Variants in DNAH14 observed in about 807,000 individuals in gnomAD.
DNAH14 encodes the protein axonemal beta dynein heavy chain 14.
In DNAH14, 478 loss-of-function variants were observed where a neutral mutation model predicts 520.9. The ratio of observed to expected loss-of-function variants is 0.92; its 90% CI spans 0.85 to 0.99. The LOEUF (loss-of-function observed/expected upper bound fraction) is 0.99, where lower values mean the gene tolerates loss of function less well. Among genes scored for constraint, DNAH14 ranks in the 50% least tolerant of loss-of-function variants. The probability of loss-of-function intolerance (pLI) is 0.00; values close to 1 mark genes in which losing one functional copy is unlikely to be tolerated. For missense variants in DNAH14, 4,831 were observed against 5,234.5 expected, an observed-to-expected ratio of 0.92 and a Z score of 2.38; for synonymous variants, 1,581 against 1,757.2, an observed-to-expected ratio of 0.90 and a Z score of 2.51.
chr1:224,968,907 A>G (rs1182259454), intron 7 of DNAH14, 33 bp downstream of exon 7: 6 of 1,441,276 alleles, frequency 4.2e-6, no homozygotes, highest in Non-Finnish European at 4.7e-6. Flanking sequence ...AATTCTTTGT[A>G]GTTTGATCCT....
At chr1:224,975,040 G>A (rs545346462) in intron 8 of DNAH14, among the ~76,000 whole-genome samples, 2 of 152,218 alleles carry the variant, frequency 1.3e-5, no homozygotes, top group South Asian at 4.2e-4. Flanking sequence ...ATTGATTTGT[G>A]TATATTGAAC....
intron 1 of DNAH14, among the ~76,000 whole-genome samples, chr1:224,937,594 G>T (rs1187764890): frequency 2.0e-5 from 3 of 151,944 alleles, no homozygotes; most frequent in Admixed American, 2.0e-4. Context: ...TGGATCAGAA[G>T]AATTAATATT....
chr1:224,960,214 G>C lies in DNAH14; in HGVS notation c.279G>C (p.Lys93Asn). 1 of 1,611,100 alleles carries C rather than the reference G, an allele frequency of 6.2e-7. No homozygotes were observed. Among genetic ancestry groups the C allele is most frequent in the South Asian group, 1.1e-5 (1 of 90,638 alleles). Residue 93 changes from lysine to asparagine, a missense_variant, in exon 4 of 86, where the codon AAG (lysine) becomes AAC (asparagine). Coordinates refer to ENST00000682510, the MANE Select transcript of DNAH14 (RefSeq NM_001367479.1). ...HMVSPEPASL[K>N]EKGKSRRKKD... ...TTTCTCCAGAGCCAGCTTCCCTTAA[G>C]GAGAAAGGGAAGTCAAGGAGAAAAA... is the stretch of plus-strand genomic sequence containing the variant.
intron 17 of DNAH14, among the ~76,000 whole-genome samples, chr1:225,052,012 T>C (rs903315053): frequency 3.9e-5 from 6 of 152,162 alleles, no homozygotes; most frequent in African/African-American, 1.4e-4. Flanking sequence ...CAGAAAACCT[T>C]CTCTGATCAC....
At position 225,144,580 on chromosome 1, in the gene DNAH14, C is replaced by T. The variant is rs897958682; in HGVS notation, c.4692C>T (p.Ala1564=). The T allele has an allele frequency of 1.3e-5, 20 of 1,551,204 alleles. No individual in the cohort carries two copies. The highest frequency in any genetic ancestry group is 7.3e-5 in the East Asian group (3 of 40,918). The change falls in exon 29 of 86, where the codon GCC becomes GCT. Residue 1564 remains alanine, a synonymous_variant. Transcript: ENST00000682510. The stretch of plus-strand genomic sequence containing the variant: ...ACTTGAATCTAGGAGGCTGTCCTGC[C>T]GGTCCAGCTGGTACAGGAAAAACTG... ...ALHLNLGGCP[A]GPAGTGKTET...
chr1:225,229,850 G>T (rs1157202713), intron 41 of DNAH14, among the ~76,000 whole-genome samples: 1 of 152,030 alleles, frequency 6.6e-6, no homozygotes, highest in African/African-American at 2.4e-5. Flanking sequence ...CACCACCATG[G>T]TACATGTATA....
chr1:225,107,325 C>A (rs1463212722), intron 23 of DNAH14, among the ~76,000 whole-genome samples: 2 of 152,166 alleles, frequency 1.3e-5, no homozygotes, highest in African/African-American at 4.8e-5. Context: ...GGATCAGGGA[C>A]CCACTTGAGG....
chr1:225,125,478 T>A (rs905206117), intron 27 of DNAH14, among the ~76,000 whole-genome samples: 2 of 152,230 alleles, frequency 1.3e-5, no homozygotes, highest in Non-Finnish European at 2.9e-5. Context: ...CACTTTTACA[T>A]TACTGAGACA....
intron 55 of DNAH14, among the ~76,000 whole-genome samples, chr1:225,295,119 T>C (rs1436553380): frequency 6.6e-6 from 1 of 152,180 alleles, no homozygotes; most frequent in Non-Finnish European, 1.5e-5. Context: ...TCTTTTTCAC[T>C]TCTGATTTTA....
At chr1:225,203,156 ATGATG>A (rs1414899308) in intron 38 of DNAH14, among the ~76,000 whole-genome samples, 3 of 152,168 alleles carry the variant, frequency 2.0e-5, no homozygotes, top group African/African-American at 7.2e-5. Context: ...GCAAAAGTTC[ATGATG>A]TGAGCCTCCA....
intron 81 of DNAH14, among the ~76,000 whole-genome samples, chr1:225,387,251 G>A (rs2095852361): frequency 6.6e-6 from 1 of 152,004 alleles, no homozygotes; most frequent in South Asian, 2.1e-4. Flanking sequence ...TGGGGGGGAG[G>A]GGGAGGGATA....
intron 34 of DNAH14, among the ~76,000 whole-genome samples, chr1:225,157,486 C>T (rs1245196017): frequency 1.3e-5 from 2 of 152,064 alleles, no homozygotes; most frequent in East Asian, 1.9e-4. Context: ...TTGGTAATTT[C>T]GCATGCCATT....
rs1475285279 is a variant in DNAH14, at chr1:224,991,461, G to A, written c.831-11322G>A. Among the ~76,000 whole-genome samples, 11 of 151,340 alleles carry A rather than the reference G, an allele frequency of 7.3e-5. No individual in the cohort carries two copies. In the East Asian group the frequency reaches 2.2e-3, roughly 30 times the overall value. ...TTGAGAAATGTCTATTCAGGCCTTT[G>A]GCCCATTTTCTAATTGGGTTGTTTT... On this transcript the variant is annotated intron_variant, in intron 8 of 85. Transcript: ENST00000682510.
chr1:225,158,081 C>T (rs897610590), intron 34 of DNAH14, among the ~76,000 whole-genome samples: 2 of 152,138 alleles, frequency 1.3e-5, no homozygotes, highest in African/African-American at 4.8e-5. Flanking sequence ...AATGTTTGGA[C>T]ACCTTTGCAG....
At chr1:224,987,481 C>T (rs115793086) in intron 8 of DNAH14, among the ~76,000 whole-genome samples, 6 of 152,124 alleles carry the variant, frequency 3.9e-5, no homozygotes, top group African/African-American at 1.4e-4. Flanking sequence ...ATTTGTCTTA[C>T]GGGTCTGGAG....
chr1:225,040,944 C>T (rs1045534361), intron 12 of DNAH14, among the ~76,000 whole-genome samples: 1 of 152,106 alleles, frequency 6.6e-6, no homozygotes, highest in African/African-American at 2.4e-5. Flanking sequence ...TTGAATTTCC[C>T]TTATTACTAG....
chr1:224,996,034 C>T (rs567879717), intron 8 of DNAH14, among the ~76,000 whole-genome samples: 102 of 152,056 alleles, frequency 6.7e-4, no homozygotes, highest in African/African-American at 2.5e-3. Flanking sequence ...AATAGGTTTC[C>T]ACTTCTTTAG....
intron 3 of DNAH14, among the ~76,000 whole-genome samples, chr1:224,955,651 G>A (rs1224560957): frequency 6.6e-6 from 1 of 151,986 alleles, no homozygotes; most frequent in African/African-American, 2.4e-5. Flanking sequence ...CCCATTTATG[G>A]TGCTTGTGTG....
chr1:224,960,674 G>GT (rs2060790278), intron 4 of DNAH14, among the ~76,000 whole-genome samples: 1 of 151,968 alleles, frequency 6.6e-6, no homozygotes, highest in South Asian at 2.1e-4. Context: ...CAAATAAATA[G>GT]TTTATTTAAA....
Sources: gnomAD v4.1 joint callset for allele counts (sites outside exome capture counted in the v4.1 genomes callset) on GRCh38, gnomAD v4.1.1 for gene constraint, MANE v1.5 for transcripts, NCBI Gene and HGNC (gene_info 2026-07-23, HGNC 2026-07-21) for gene names.